Variants in GALNT17 observed in about 807,000 individuals in gnomAD.
The protein encoded by GALNT17 is UDP-GalNAc:polypeptide N-acetylgalactosaminyltransferase-like 3.
A neutral mutation model predicts 63.7 loss-of-function variants in GALNT17; 29 were observed. That is an observed-to-expected ratio of 0.46 (90% CI 0.34 to 0.62). GALNT17 has a LOEUF of 0.62. Among genes scored for constraint, GALNT17 ranks in the 20% least tolerant of loss-of-function variants. GALNT17 has a pLI of 0.01. For synonymous variants in GALNT17, 305 were observed against 318.3 expected, an observed-to-expected ratio of 0.96 and a Z score of 0.45; for missense variants, 603 against 799.6, an observed-to-expected ratio of 0.75 and a Z score of 2.97.
chr7:71,608,435 G>A (rs1359753763), intron 6 of GALNT17, among the ~76,000 whole-genome samples: 1 of 152,126 alleles, frequency 6.6e-6, no homozygotes, highest in African/African-American at 2.4e-5. Flanking sequence ...GTAAATGTCA[G>A]GATCACAATA....
chr7:71,162,081 T>TTTCCTTTCTCCCTCCCTCCC (rs1788353658), intron 1 of GALNT17, among the ~76,000 whole-genome samples: 2 of 59,400 alleles, frequency 3.4e-5, no homozygotes, highest in African/African-American at 2.0e-4. Flanking sequence ...TCCTTCCTTC[T>TTTCCTTTCTCCCTCCCTCCC]TTCCTTCCTC....
intron 5 of GALNT17, among the ~76,000 whole-genome samples, chr7:71,550,633 G>A (rs746530059): frequency 2.0e-5 from 3 of 151,962 alleles, no homozygotes; most frequent in East Asian, 1.9e-4. Context: ...CACCCACCTC[G>A]GCCTCCCAAA....
chr7:71,659,969 GT>G (rs1211713454), intron 6 of GALNT17, among the ~76,000 whole-genome samples: 2 of 152,278 alleles, frequency 1.3e-5, no homozygotes, highest in African/African-American at 2.4e-5. Flanking sequence ...TTTTAGCCCT[GT>G]GTTGTTTTCC....
chr7:71,616,492 TAAC>T (rs1307465248), intron 6 of GALNT17, among the ~76,000 whole-genome samples: 1 of 147,498 alleles, frequency 6.8e-6, no homozygotes, highest in Non-Finnish European at 1.5e-5. Flanking sequence ...ATATAACTAA[TAAC>T]TAATATATAA....
chr7:71,580,728 C>A (rs192990911), intron 6 of GALNT17, among the ~76,000 whole-genome samples: 3 of 152,064 alleles, frequency 2.0e-5, no homozygotes, highest in Non-Finnish European at 2.9e-5. Flanking sequence ...CCAGGCTGAG[C>A]AGGTGGGAAA....
At chr7:71,403,385 C>G (rs750341277) in intron 3 of GALNT17, among the ~76,000 whole-genome samples, 1 of 152,070 alleles carries the variant, frequency 6.6e-6, no homozygotes, top group Non-Finnish European at 1.5e-5. Context: ...GTGGGAAGGT[C>G]AGGTGGTTTG....
chr7:71,667,213 A>T (rs1324068713), intron 7 of GALNT17, among the ~76,000 whole-genome samples: 1 of 152,248 alleles, frequency 6.6e-6, no homozygotes, highest in Non-Finnish European at 1.5e-5. Context: ...GAAGAAATAC[A>T]GTTGAATATG....
At chr7:71,397,773 C>A (rs1248070858) in intron 3 of GALNT17, among the ~76,000 whole-genome samples, 1 of 152,152 alleles carries the variant, frequency 6.6e-6, no homozygotes, top group Non-Finnish European at 1.5e-5. Context: ...TTTGGTGGAA[C>A]ACAACACCTG....
At chr7:71,310,445 T>C (rs946964617) in intron 1 of GALNT17, among the ~76,000 whole-genome samples, 4 of 152,246 alleles carry the variant, frequency 2.6e-5, no homozygotes, top group Non-Finnish European at 5.9e-5. Flanking sequence ...CTGTCTGAGA[T>C]CATGAGGACA....
At chr7:71,383,009 T>C (rs1792874843) in intron 2 of GALNT17, among the ~76,000 whole-genome samples, 1 of 152,068 alleles carries the variant, frequency 6.6e-6, no homozygotes, top group African/African-American at 2.4e-5. Flanking sequence ...AATTTCCCAT[T>C]CCCCCTTCCC....
At chr7:71,691,585 A>G (rs1216981998) in intron 9 of GALNT17, among the ~76,000 whole-genome samples, 3 of 152,228 alleles carry the variant, frequency 2.0e-5, no homozygotes, top group Non-Finnish European at 4.4e-5. Flanking sequence ...TATTCTTTCC[A>G]GGAAATCACA....
chr7:71,561,881 G>T (rs192245053), intron 5 of GALNT17, among the ~76,000 whole-genome samples: 17 of 152,240 alleles, frequency 1.1e-4, no homozygotes, highest in Non-Finnish European at 2.4e-4. Context: ...GTCCAAAGGG[G>T]CTGCCTTCTG....
chr7:71,569,830 G>A (rs1035030377), intron 5 of GALNT17, among the ~76,000 whole-genome samples: 1 of 152,076 alleles, frequency 6.6e-6, no homozygotes, highest in East Asian at 1.9e-4. Flanking sequence ...GAATATTGCT[G>A]CAATGAACGT....
intron 1 of GALNT17, among the ~76,000 whole-genome samples, chr7:71,207,232 A>G (rs1789289230): frequency 6.6e-6 from 1 of 152,190 alleles, no homozygotes; most frequent in Admixed American, 6.5e-5. Context: ...GTTGTTAAGT[A>G]AGCCACGTAT....
intron 1 of GALNT17, among the ~76,000 whole-genome samples, chr7:71,230,668 A>G (rs959875035): frequency 1.9e-4 from 29 of 152,286 alleles, no homozygotes; most frequent in African/African-American, 7.0e-4. Context: ...CTGGGCACCT[A>G]TAGGAAGAGA....
intron 9 of GALNT17, among the ~76,000 whole-genome samples, chr7:71,678,653 G>A (rs1791187765): frequency 6.6e-6 from 1 of 151,904 alleles, no homozygotes; most frequent in Admixed American, 6.6e-5. Flanking sequence ...AAATTAGCTG[G>A]GCGTGGTGGT....
At chr7:71,673,069 T>C (rs567736224) in intron 8 of GALNT17, among the ~76,000 whole-genome samples, 2 of 152,276 alleles carry the variant, frequency 1.3e-5, no homozygotes, top group East Asian at 3.9e-4. Flanking sequence ...GGCAAGGCCT[T>C]AGTAATATGA....
At chr7:71,302,576 G>C (rs1791219921) in intron 1 of GALNT17, among the ~76,000 whole-genome samples, 1 of 152,142 alleles carries the variant, frequency 6.6e-6, no homozygotes, top group African/African-American at 2.4e-5. Flanking sequence ...AGGTCTCCTT[G>C]TCTGTTGCCT....
intron 1 of GALNT17, among the ~76,000 whole-genome samples, chr7:71,144,656 T>A: frequency 6.8e-6 from 1 of 146,736 alleles, no homozygotes; most frequent in South Asian, 2.2e-4. Context: ...AGAGAAAGAG[T>A]TTAATGATTG....
Sources: allele counts gnomAD v4.1 joint callset (sites outside exome capture counted in the v4.1 genomes callset), GRCh38; gene constraint gnomAD v4.1.1; transcripts MANE v1.5; gene names NCBI Gene and HGNC (gene_info 2026-07-23, HGNC 2026-07-21).